ZNF559: variants seen among roughly 807,000 people sequenced by gnomAD.
The protein encoded by ZNF559 is putative protein product of Nbla00121.
ZNF559 carries 17 observed loss-of-function variants against 14.2 expected under a neutral mutation model. The ratio of observed to expected loss-of-function variants is 1.20; its 90% CI spans 0.82 to 1.80. The LOEUF (loss-of-function observed/expected upper bound fraction) is 1.80. ZNF559 is among the 40% of genes most tolerant of loss of function. The pLI is 0.00. For synonymous variants in ZNF559, 244 were observed against 212.4 expected (o/e 1.15, Z -1.29); for missense variants, 740 against 629.7 (o/e 1.18, Z -1.88).
At chr19:9,327,341 C>T (rs1052626849) in intron 2 of ZNF559, among the ~76,000 whole-genome samples, 12 of 151,998 alleles carry the variant, frequency 7.9e-5, no homozygotes, top group East Asian at 3.9e-4. Flanking sequence ...TCCGCCTCCC[C>T]GGTTCAAGTG....
In ZNF559 at chr19:9,343,792, T is replaced by C. The variant is rs1166375079; in HGVS notation, c.*724T>C. On this transcript the variant is annotated 3_prime_UTR_variant, in exon 7 of 7. Transcript: ENST00000603380. ...CATATCAGAATGCTTTTGGTAAATA[T>C]ACATGTTTTAAAGAGGTTATATATC... 1 of 985,572 alleles carries C rather than the reference T, an allele frequency of 1.0e-6. No individual in the cohort carries two copies. Among genetic ancestry groups the C allele is most frequent in the Non-Finnish European group, 1.2e-6 (1 of 830,044 alleles). The allele number at this position is 985,572 out of a possible 1,614,324, so 61.1% of individuals were successfully genotyped here. A position where few individuals can be genotyped will look rare whatever the true frequency, so the allele number is the denominator to read the frequency against.
chr19:9,336,940 A>G (rs901637270), intron 2 of ZNF559, among the ~76,000 whole-genome samples: 6 of 152,198 alleles, frequency 3.9e-5, no homozygotes, highest in Admixed American at 2.0e-4. Context: ...TATTAAACCT[A>G]CAGTTATGGT....
Position 9,342,574 on chromosome 19 carries a change from C to T in ZNF559, c.1123C>T (p.His375Tyr). The change falls in exon 7 of 7, where the codon CAC becomes TAC. Residue 375 changes from histidine (H) to tyrosine (Y), a missense_variant. His to Tyr is a moderately conservative substitution (Grantham distance 83). Transcript: ENST00000603380. ...ACATCTTACTGTACATATGAGAACT[C>T]ACACTGGTGAGAAGCCTTATCAATG... ...SSHLTVHMRT[H>Y]TGEKPYQCKE... The T allele has an allele frequency of 6.2e-7, 1 of 1,614,046 alleles. No individual in the cohort carries two copies. The highest frequency in any genetic ancestry group is 8.5e-7 in the Non-Finnish European group (1 of 1,179,984).
At chr19:9,333,123 A>G (rs901309456) in intron 2 of ZNF559, 2 of 152,180 alleles carry the variant, frequency 1.3e-5, no homozygotes, top group Admixed American at 6.5e-5. Context: ...GGTGAGTGCT[A>G]CCATACCTGG....
At chr19:9,324,407 C>A (rs1347173876) in intron 1 of ZNF559, 179 bp downstream of exon 1, 12 of 1,469,578 alleles carry the variant, frequency 8.2e-6, no homozygotes, top group Non-Finnish European at 9.9e-6. Context: ...ACAGTCAGGT[C>A]TGTCCTCAGG....
intron 1 of ZNF559, 158 bp downstream of exon 1, chr19:9,324,386 C>T (rs1275704497): frequency 2.7e-6 from 4 of 1,483,530 alleles, no homozygotes; most frequent in African/African-American, 1.4e-5. Context: ...GCGGCCCCTC[C>T]TCTGAGAGCC....
rs1645707690 is a variant in ZNF559 at position 9,345,594 on chromosome 19, T to G, written c.*2526T>G. 6.6e-6 allele frequency: 1 copy of G among 152,100 alleles called. No individual in the cohort carries two copies. The highest frequency in any genetic ancestry group is 1.5e-5 in the Non-Finnish European group (1 of 68,004). 9.4% of individuals were successfully genotyped at this position (152,100 alleles called of 1,614,324 possible). ...GTGCTTACTGGCCTTCTTTAAGCCT[T>G]TGGGGAAGAGTCTGTTCAAATCTTT... On this transcript the variant is annotated 3_prime_UTR_variant, in exon 7 of 7. Transcript: ENST00000603380.
intron 1 of ZNF559, 183 bp downstream of exon 1, chr19:9,324,411 C>A (rs577390720): frequency 1.4e-6 from 2 of 1,450,278 alleles, no homozygotes; most frequent in Non-Finnish European, 1.8e-6. Flanking sequence ...TCAGGTCTGT[C>A]CTCAGGGGTC....
intron 6 of ZNF559, 147 bp downstream of exon 6, chr19:9,341,331 G>A (rs186289526): frequency 7.2e-6 from 6 of 832,938 alleles, no homozygotes; most frequent in Middle Eastern, 2.2e-4. Context: ...AGAGACTATG[G>A]ATCATGAGTT....
At chr19:9,334,938 T>C (rs937193953) in intron 2 of ZNF559, among the ~76,000 whole-genome samples, 1 of 151,926 alleles carries the variant, frequency 6.6e-6, no homozygotes, top group Non-Finnish European at 1.5e-5. Context: ...GTCGAAACCA[T>C]CCTGGCTAGC....
At position 9,342,608 on chromosome 19, in the gene ZNF559, G is replaced by A. The variant is rs1441946407; in HGVS notation, c.1157G>A (p.Cys386Tyr). The A allele has an allele frequency of 1.9e-6, 3 of 1,614,146 alleles. No homozygotes were observed. The highest frequency in any genetic ancestry group is 1.7e-5 in the Admixed American group (1 of 60,022). ...TGEKPYQCKE[C>Y]GKAFINSSSF... ...GAGAAGCCTTATCAATGTAAGGAAT[G>A]TGGAAAAGCCTTTATTAATTCCTCT... is the stretch of plus-strand genomic sequence containing the variant. The change falls in exon 7 of 7, where the codon TGT becomes TAT. Residue 386 changes from cysteine (C) to tyrosine (Y), a missense_variant. Cys to Tyr is a radical substitution (Grantham distance 194). Transcript: ENST00000603380.
intron 2 of ZNF559, among the ~76,000 whole-genome samples, chr19:9,331,718 A>C (rs759950826): frequency 2.6e-5 from 4 of 152,168 alleles, no homozygotes; most frequent in Non-Finnish European, 4.4e-5. Context: ...GTTGCTTGCA[A>C]TTATTAGCTT....
At chr19:9,328,262 A>G (rs955066603) in intron 2 of ZNF559, among the ~76,000 whole-genome samples, 1 of 150,576 alleles carries the variant, frequency 6.6e-6, no homozygotes, top group African/African-American at 2.4e-5. Flanking sequence ...CTTACTAAGG[A>G]TATAAAGTTC....
chr19:9,325,700 C>T (rs958774381), intron 2 of ZNF559, among the ~76,000 whole-genome samples: 12 of 151,504 alleles, frequency 7.9e-5, no homozygotes, highest in African/African-American at 2.7e-4. Flanking sequence ...GCAGGAGAAT[C>T]GCTTGAACCT....
At position 9,343,516 on chromosome 19, in the gene ZNF559, T is replaced by C. The variant is rs2067666404; in HGVS notation, c.*448T>C. On this transcript the variant is annotated 3_prime_UTR_variant, in exon 7 of 7. Transcript: ENST00000603380. ...CCTTTCACTCTGCCTTATACCTTAA[T>C]ATTCAGCTGTGATCTCACAAGTGTG... The C allele has an allele frequency of 7.0e-6, 7 of 999,302 alleles. No individual in the cohort carries two copies. Among genetic ancestry groups the C allele is most frequent in the African/African-American group, 3.5e-5 (2 of 57,480 alleles). The allele number at this position is 999,302 out of a possible 1,614,324, so 61.9% of individuals were successfully genotyped here. A position where few individuals can be genotyped will look rare whatever the true frequency, so the allele number is the denominator to read the frequency against.
chr19:9,339,235 G>A lies in ZNF559; in HGVS notation c.76G>A (p.Glu26Lys). The A allele has an allele frequency of 1.2e-6, 2 of 1,614,052 alleles. No individual in the cohort carries two copies. The highest frequency in any genetic ancestry group is 1.7e-6 in the Non-Finnish European group (2 of 1,179,970). ...FEDVAVDFTQ[E>K]EWTLLDQTQR... ...GGATGTGGCTGTGGACTTCACCCAG[G>A]AGGAGTGGACTTTGCTGGATCAAAC... Residue 26 changes from glutamate (E) to lysine (K), a missense_variant, in exon 5 of 7, where the codon GAG becomes AAG. Transcript: ENST00000603380.
chr19:9,345,223 T>C lies in ZNF559; in HGVS notation c.*2155T>C, dbSNP rs2067703344. ...ATACCACAAGCTATTTATCCATGTG[T>C]TATTTCTACCTTTTGGCTATTGCAA... On this transcript the variant is annotated 3_prime_UTR_variant, in exon 7 of 7. Transcript: ENST00000603380. The C allele has an allele frequency of 6.6e-6, 1 of 152,240 alleles. No homozygotes were observed. Among genetic ancestry groups the C allele is most frequent in the Non-Finnish European group, 1.5e-5 (1 of 68,046 alleles). The allele number at this position is 152,240 out of a possible 1,614,324, so 9.4% of individuals were successfully genotyped here.
intron 5 of ZNF559, among the ~76,000 whole-genome samples, chr19:9,339,767 CT>C (rs200842205): frequency 0.018 from 2,362 of 134,404 alleles, 32 homozygotes; most frequent in African/African-American, 0.058. Context: ...ACATTCTTTA[CT>C]TTTTTTTTTT....
At position 9,343,266 on chromosome 19, in the gene ZNF559, A is replaced by T; in HGVS notation, c.*198A>T. 1 of 1,396,638 alleles carries T rather than the reference A, an allele frequency of 7.2e-7. No homozygotes were observed. Among genetic ancestry groups the T allele is most frequent in the Middle Eastern group, 2.6e-4 (1 of 3,806 alleles). 86.5% of individuals were successfully genotyped at this position (1,396,638 alleles called of 1,614,324 possible). On this transcript the variant is annotated 3_prime_UTR_variant, in exon 7 of 7. Transcript: ENST00000603380. Reference sequence around the variant, plus strand: ...ATGTGGGAAAATCTTGGCTCCTTCCATAGGCCTTACTATTCATGTGTCTGT... The same window carrying T: ...ATGTGGGAAAATCTTGGCTCCTTCCTTAGGCCTTACTATTCATGTGTCTGT...
Sources: allele counts gnomAD v4.1 joint callset (sites outside exome capture counted in the v4.1 genomes callset), GRCh38; gene constraint gnomAD v4.1.1; transcripts MANE v1.5; gene names NCBI Gene and HGNC (gene_info 2026-07-23, HGNC 2026-07-21).